The following CIMIP6 variants were observed in gnomAD, a reference collection of about 807,000 sequenced individuals.
CIMIP6 encodes ciliary microtubule inner protein 6.
At chr2:54,338,356 G>GTAAAACAGTAAATTTTTTGTTAGT in the CIMIP6 span, among the ~76,000 whole-genome samples, 20 of 107,370 alleles carry the variant, frequency 1.9e-4, 1 homozygote, top group East Asian at 6.5e-4. Context: ...GATGGCTTGA[G>GTAAAACAGTAAATTTTTTGTTAGT]CTCAGGAGTT....
At chr2:54,349,561 T>A in the CIMIP6 span, among the ~76,000 whole-genome samples, 3 of 152,250 alleles carry the variant, frequency 2.0e-5, no homozygotes, top group African/African-American at 7.2e-5. Context: ...GGACTTTGCC[T>A]TATTTTTTGC....
the CIMIP6 span, among the ~76,000 whole-genome samples, chr2:54,381,219 C>G: frequency 2.0e-5 from 3 of 152,204 alleles, no homozygotes; most frequent in African/African-American, 7.2e-5. Context: ...CTTGCCTTCT[C>G]TGTTCCAGAC....
At chr2:54,343,958 T>G in the CIMIP6 span, 4 of 1,195,790 alleles carry the variant, frequency 3.3e-6, no homozygotes, top group African/African-American at 1.6e-5. Context: ...TCCGGACAGC[T>G]CCTGAAAATA....
At chr2:54,351,870 A>G in the CIMIP6 span, among the ~76,000 whole-genome samples, 1 of 152,142 alleles carries the variant, frequency 6.6e-6, no homozygotes. Flanking sequence ...AACATTTCCA[A>G]ATCCTTAAAT....
the CIMIP6 span, among the ~76,000 whole-genome samples, chr2:54,355,944 G>A: frequency 3.8e-3 from 584 of 152,140 alleles, 6 homozygotes; most frequent in African/African-American, 0.013. Flanking sequence ...TTCCCCTAGG[G>A]GAATCAGTAG....
the CIMIP6 span, among the ~76,000 whole-genome samples, chr2:54,365,920 G>T: frequency 6.6e-6 from 1 of 152,088 alleles, no homozygotes; most frequent in Non-Finnish European, 1.5e-5. Context: ...AACACAAAAA[G>T]ATTTTTAAAA....
At chr2:54,379,907 G>A in the CIMIP6 span, among the ~76,000 whole-genome samples, 3 of 151,882 alleles carry the variant, frequency 2.0e-5, no homozygotes, top group Admixed American at 6.6e-5. Flanking sequence ...AACCCAGGAG[G>A]TGGAGGTTAC....
the CIMIP6 span, among the ~76,000 whole-genome samples, chr2:54,370,892 T>C: frequency 6.6e-6 from 1 of 152,330 alleles, no homozygotes; most frequent in East Asian, 1.9e-4. Context: ...GAACTGTTTT[T>C]ATTGTTAGCA....
the CIMIP6 span, among the ~76,000 whole-genome samples, chr2:54,346,889 C>G: frequency 1.3e-5 from 2 of 152,190 alleles, no homozygotes; most frequent in African/African-American, 2.4e-5. Context: ...GAATAAATTT[C>G]AAATTCCTCA....
chr2:54,357,931 T>C, the CIMIP6 span, among the ~76,000 whole-genome samples: 1 of 152,134 alleles, frequency 6.6e-6, no homozygotes, highest in Non-Finnish European at 1.5e-5. Context: ...GATAGAATTT[T>C]ACTTCACTAA....
chr2:54,366,573 A>G, the CIMIP6 span, among the ~76,000 whole-genome samples: 1 of 152,176 alleles, frequency 6.6e-6, no homozygotes, highest in Non-Finnish European at 1.5e-5. Flanking sequence ...CCAGACATAG[A>G]CGCATAATAG....
At chr2:54,370,388 A>G in the CIMIP6 span, among the ~76,000 whole-genome samples, 3 of 152,170 alleles carry the variant, frequency 2.0e-5, no homozygotes, top group Non-Finnish European at 4.4e-5. Flanking sequence ...AATGTTACTC[A>G]TAAAAAGTAC....
the CIMIP6 span, among the ~76,000 whole-genome samples, chr2:54,362,259 G>T: frequency 6.6e-6 from 1 of 152,050 alleles, no homozygotes; most frequent in East Asian, 1.9e-4. Flanking sequence ...ATCACACCAA[G>T]AAGAAAACCA....
the CIMIP6 span, among the ~76,000 whole-genome samples, chr2:54,357,036 G>A: frequency 6.6e-6 from 1 of 152,088 alleles, no homozygotes; most frequent in African/African-American, 2.4e-5. Context: ...TTTTCTCAGT[G>A]TCATGCTTAT....
the CIMIP6 span, among the ~76,000 whole-genome samples, chr2:54,346,932 A>G: frequency 6.6e-6 from 1 of 152,210 alleles, no homozygotes; most frequent in African/African-American, 2.4e-5. Context: ...TGATCTGTCA[A>G]ATTTACCTAC....
At chr2:54,360,367 C>G in the CIMIP6 span, 1 of 1,610,240 alleles carries the variant, frequency 6.2e-7, no homozygotes, top group Non-Finnish European at 8.5e-7. Flanking sequence ...CACCAGGTCT[C>G]TGCCAACAAA....
chr2:54,366,537 T>A, the CIMIP6 span, among the ~76,000 whole-genome samples: 1 of 152,078 alleles, frequency 6.6e-6, no homozygotes, highest in Non-Finnish European at 1.5e-5. Context: ...AGGGGAAAAA[T>A]CAATTTTGAA....
At chr2:54,381,031 C>T in the CIMIP6 span, among the ~76,000 whole-genome samples, 3,403 of 152,174 alleles carry the variant, frequency 0.022, 119 homozygotes, top group African/African-American at 0.078. Flanking sequence ...GAGTCAAAGT[C>T]TATTGTATTA....
chr2:54,371,979 G>T, the CIMIP6 span, among the ~76,000 whole-genome samples: 3 of 152,214 alleles, frequency 2.0e-5, no homozygotes, highest in Admixed American at 6.5e-5. Context: ...TCCTAGGAAG[G>T]AATAAATGAG....
Sources: gnomAD v4.1 joint callset for allele counts (sites outside exome capture counted in the v4.1 genomes callset) on GRCh38, gnomAD v4.1.1 for gene constraint, MANE v1.5 for transcripts, NCBI Gene and HGNC (gene_info 2026-07-23, HGNC 2026-07-21) for gene names.